Variants in KCNMB2 observed in about 807,000 individuals in gnomAD.
KCNMB2 encodes the protein potassium calcium-activated channel subfamily M regulatory beta subunit 2.
In KCNMB2, 9 loss-of-function variants were observed where a neutral mutation model predicts 24.5. That is an observed-to-expected ratio of 0.37 (90% CI 0.22 to 0.64). KCNMB2 has a LOEUF of 0.64. Ranked by LOEUF, KCNMB2 falls within the 30% of genes least tolerant of loss-of-function variation. The pLI, the probability that KCNMB2 is intolerant of heterozygous loss-of-function variation, is 0.63. For synonymous variants in KCNMB2, 109 were observed against 104.4 expected (o/e 1.04, Z -0.27); for missense variants, 226 against 284.3 (o/e 0.79, Z 1.47).
In KCNMB2 at chr3:178,808,879, A is replaced by C. The variant is rs572911157; in HGVS notation, c.56+1414A>C. Among the ~76,000 whole-genome samples the C allele has an allele frequency of 3.3e-5, 5 of 152,300 alleles. No individual in the cohort carries two copies. In the East Asian group the frequency reaches 9.6e-4, roughly 29 times the overall value. Reference sequence around the variant, plus strand: ...TAACATATTGTTACCTTAATTATGGAAAAAATAATTATATGATATTTAAGT... The same window carrying C: ...TAACATATTGTTACCTTAATTATGGCAAAAATAATTATATGATATTTAAGT... On this transcript the variant is annotated intron_variant, in intron 2 of 4. Coordinates refer to ENST00000452583, the MANE Select transcript of KCNMB2 (RefSeq NM_181361.3).
At position 178,630,640 on chromosome 3, in the gene KCNMB2, A is replaced by ATTT. The variant is rs1166362324; in HGVS notation, c.-68+93929_-68+93930insTTT. Among the ~76,000 whole-genome samples, 3 of 152,186 alleles carry ATTT rather than the reference A, an allele frequency of 2.0e-5. No individual in the cohort carries two copies. The East Asian group carries it at 5.8e-4, about 29-fold the overall frequency. ...ACAGTCCAGCTTCTAGTTTATAGTA[A>ATTT]ATTAATTCAAGGAGGTGAGAGGGCA... On this transcript the variant is annotated intron_variant, in intron 1 of 4. Transcript: ENST00000452583.
At chr3:178,829,928 A>G (rs1714990774) in intron 4 of KCNMB2, among the ~76,000 whole-genome samples, 1 of 152,164 alleles carries the variant, frequency 6.6e-6, no homozygotes, top group South Asian at 2.1e-4. Flanking sequence ...AGAACTGTGC[A>G]TGAAATGAAA....
In KCNMB2 at chr3:178,587,887, C is replaced by G. The variant is rs6793003; in HGVS notation, c.-68+51176C>G. On this transcript the variant is annotated intron_variant, in intron 1 of 4. Transcript: ENST00000452583. ...ATATCTCCTAATGCTATCCCTCCCC[C>G]CCTCCCCCCACCCCACAACAGGCCC... Among the ~76,000 whole-genome samples, 614 of 129,858 alleles carry G rather than the reference C, an allele frequency of 4.7e-3. 4 individuals carry two copies. The highest frequency in any genetic ancestry group is 7.4e-3 in the Non-Finnish European group (456 of 61,532). 85.2% of individuals were successfully genotyped at this position (129,858 alleles called of 152,430 possible).
intron 1 of KCNMB2, among the ~76,000 whole-genome samples, chr3:178,730,283 G>A (rs756883189): frequency 1.3e-5 from 2 of 152,132 alleles, no homozygotes; most frequent in Non-Finnish European, 2.9e-5. Flanking sequence ...ACAGATGCTT[G>A]TTATAATAAC....
At chr3:178,653,844 G>T (rs968725531) in intron 1 of KCNMB2, among the ~76,000 whole-genome samples, 1 of 151,974 alleles carries the variant, frequency 6.6e-6, no homozygotes, top group African/African-American at 2.4e-5. Context: ...ATTGAAATTG[G>T]CCTATAATTT....
chr3:178,538,699 A>T (rs1291708396), intron 1 of KCNMB2, among the ~76,000 whole-genome samples: 3 of 152,196 alleles, frequency 2.0e-5, no homozygotes, highest in Non-Finnish European at 1.5e-5. Context: ...ATGAGGAAAA[A>T]GTTTCCGTAT....
chr3:178,586,549 T>C (rs1273913427), intron 1 of KCNMB2, among the ~76,000 whole-genome samples: 1 of 123,544 alleles, frequency 8.1e-6, no homozygotes, highest in African/African-American at 3.1e-5. Flanking sequence ...TTTTTTTTTT[T>C]TTTTTTTTTT....
chr3:178,613,357 A>G (rs1718564601), intron 1 of KCNMB2, among the ~76,000 whole-genome samples: 1 of 152,218 alleles, frequency 6.6e-6, no homozygotes, highest in South Asian at 2.1e-4. Flanking sequence ...AGATTGTGCC[A>G]CTGTCCTTTA....
chr3:178,577,686 AGAG>A (rs1717047201), intron 1 of KCNMB2, among the ~76,000 whole-genome samples: 1 of 151,940 alleles, frequency 6.6e-6, no homozygotes, highest in Admixed American at 6.6e-5. Context: ...ACACAAGTTT[AGAG>A]AAGATGGAGC....
chr3:178,559,034 T>C (rs1222164683), intron 1 of KCNMB2: 1 of 152,116 alleles, frequency 6.6e-6, no homozygotes, highest in Non-Finnish European at 1.5e-5. Context: ...TTCATCCCCA[T>C]GAATTAATAA....
intron 1 of KCNMB2, among the ~76,000 whole-genome samples, chr3:178,798,981 G>A (rs1431443742): frequency 2.1e-5 from 3 of 140,244 alleles, no homozygotes; most frequent in Non-Finnish European, 3.0e-5. Flanking sequence ...ATCTCTTGAT[G>A]ATAAAAAAAA....
At chr3:178,646,185 A>G (rs899833780) in intron 1 of KCNMB2, among the ~76,000 whole-genome samples, 1 of 152,194 alleles carries the variant, frequency 6.6e-6, no homozygotes, top group Non-Finnish European at 1.5e-5. Context: ...CCTAGATGAT[A>G]GTCCTGGAGA....
At chr3:178,747,343 C>T (rs895152951) in intron 1 of KCNMB2, among the ~76,000 whole-genome samples, 7 of 152,184 alleles carry the variant, frequency 4.6e-5, no homozygotes, top group Non-Finnish European at 1.0e-4. Context: ...GACTCAATTA[C>T]CTCCCACTGG....
Position 178,825,761 on chromosome 3 carries a change from A to T in KCNMB2, c.227+3A>T. 1 of 1,601,528 alleles carries T rather than the reference A, an allele frequency of 6.2e-7. No homozygotes were observed. Among genetic ancestry groups the T allele is most frequent in the Non-Finnish European group, 8.5e-7 (1 of 1,169,982 alleles). On this transcript the variant is annotated splice_donor_region_variant and intron_variant, in intron 3 of 4. Coordinates refer to ENST00000452583, the MANE Select transcript of KCNMB2 (RefSeq NM_181361.3). ...CTCCTGCGCTCATACATGCAGAGGT[A>T]ATACCACTGGGTGGGTGGGACCCTG... is the stretch of plus-strand genomic sequence containing the variant.
intron 1 of KCNMB2, among the ~76,000 whole-genome samples, chr3:178,746,512 T>C (rs2108383378): frequency 6.6e-6 from 1 of 152,304 alleles, no homozygotes; most frequent in East Asian, 1.9e-4. Context: ...GGATTAACTT[T>C]CGGCTCCTTG....
intron 3 of KCNMB2, 56 bp downstream of exon 3, chr3:178,825,814 C>G: frequency 2.1e-6 from 3 of 1,440,236 alleles, no homozygotes; most frequent in Non-Finnish European, 2.9e-6. Flanking sequence ...CATCCTCCCC[C>G]ATCACTTAGG....
In KCNMB2 at chr3:178,543,103, C is replaced by T. The variant is rs371360023; in HGVS notation, c.-68+6392C>T. 3.3e-4 allele frequency among the ~76,000 whole-genome samples: 50 copies of T among 152,228 alleles called. No homozygotes were observed. In the South Asian group the frequency reaches 0.01, roughly 31 times the overall value. ...ATACTGCAAGATTTGGTTTAAAGGT[C>T]CCCTTTAGTTTTTACTTCTTGGCAT... is the stretch of plus-strand genomic sequence containing the variant. On this transcript the variant is annotated intron_variant, in intron 1 of 4. Transcript: ENST00000452583.
intron 1 of KCNMB2, among the ~76,000 whole-genome samples, chr3:178,655,894 A>G (rs972018431): frequency 3.9e-5 from 6 of 152,220 alleles, no homozygotes; most frequent in African/African-American, 1.4e-4. Context: ...ATCACAGGGA[A>G]AACAAGAGAT....
At chr3:178,589,967 T>G (rs1303291097) in intron 1 of KCNMB2, among the ~76,000 whole-genome samples, 1 of 152,200 alleles carries the variant, frequency 6.6e-6, no homozygotes, top group Non-Finnish European at 1.5e-5. Flanking sequence ...CACCCTGAGC[T>G]GGGAATTTTC....
Sources: allele counts gnomAD v4.1 joint callset (sites outside exome capture counted in the v4.1 genomes callset), GRCh38; gene constraint gnomAD v4.1.1; transcripts MANE v1.5; gene names NCBI Gene and HGNC (gene_info 2026-07-23, HGNC 2026-07-21).